Variants in MAGEA11 observed in about 807,000 individuals in gnomAD.
MAGEA11 encodes the protein MAGE family member A11.
A neutral mutation model predicts 8.4 loss-of-function variants in MAGEA11; 1 was observed. The ratio of observed to expected loss-of-function variants is 0.12; its 90% CI spans 0.04 to 0.57. MAGEA11 has a LOEUF of 0.57. Ranked by LOEUF, MAGEA11 falls within the 20% of genes least tolerant of loss-of-function variation. MAGEA11 has a pLI of 0.91. For missense variants in MAGEA11, 209 were observed against 317.3 expected (o/e 0.66, Z 2.59); for synonymous variants, 127 against 119.3 (o/e 1.06, Z -0.42).
chrX:149,694,673 C>A (rs782695827), intron 1 of MAGEA11, among the ~76,000 whole-genome samples: 114 of 111,796 alleles, frequency 1.0e-3, no homozygotes, highest in South Asian at 2.6e-3. Flanking sequence ...CTTTTTCTTT[C>A]TTTCTTTTCT....
upstream of MAGEA11, among the ~76,000 whole-genome samples, chrX:149,709,415 A>G (rs1052725185): frequency 5.3e-5 from 6 of 112,357 alleles, no homozygotes; most frequent in African/African-American, 1.9e-4. Flanking sequence ...TTCAGAGGCC[A>G]GTTTTACCAA....
upstream of MAGEA11, chrX:149,712,000 G>C (rs1360919387): frequency 1.1e-5 from 8 of 742,276 alleles, no homozygotes; most frequent in East Asian, 1.6e-4. Flanking sequence ...GGGCAGAATC[G>C]GGTTCGCTCC....
intron 1 of MAGEA11, among the ~76,000 whole-genome samples, chrX:149,691,436 G>C: frequency 9.0e-6 from 1 of 111,554 alleles, no homozygotes; most frequent in Non-Finnish European, 1.9e-5. Context: ...ACTTTGTTGA[G>C]TGCTAGATAG....
Position 149,716,076 on chromosome X carries a change from C to T in MAGEA11, c.590C>T (p.Ser197Phe). ...AIFGSLSDEG[S>F]GSQEKEGPST... ...TTTGGGAGCCTATCTGATGAGGGCT[C>T]TGGCAGCCAAGAAAAGGAGGGGCCA... The change falls in exon 5 of 5, where the codon TCT becomes TTT. Residue 197 changes from serine (S) to phenylalanine (F), a missense_variant. Physicochemically the swap from Ser to Phe is radical, Grantham distance 155. Coordinates refer to ENST00000355220, the MANE Select transcript of MAGEA11 (RefSeq NM_005366.5). 1 of 1,211,987 alleles carries T rather than the reference C, an allele frequency of 8.3e-7. No individual in the cohort carries two copies. Among genetic ancestry groups the T allele is most frequent in the Non-Finnish European group, 1.1e-6 (1 of 895,540 alleles).
upstream of MAGEA11, among the ~76,000 whole-genome samples, chrX:149,708,254 T>C (rs1557361631): frequency 8.9e-6 from 1 of 112,007 alleles, no homozygotes; most frequent in Non-Finnish European, 1.9e-5. Context: ...GTTTGAGGTC[T>C]TACATTTCAA....
At chrX:149,694,744 A>G (rs149307558) in intron 1 of MAGEA11, among the ~76,000 whole-genome samples, 1,824 of 107,913 alleles carry the variant, frequency 0.017, 32 homozygotes, top group African/African-American at 0.058. Flanking sequence ...TTATTTCGAC[A>G]AAGTGTCACC....
chrX:149,711,644 C>G (rs1157436618), upstream of MAGEA11: 5 of 119,108 alleles, frequency 4.2e-5, no homozygotes, highest in East Asian at 5.7e-4. Context: ...TGAGGACTGA[C>G]GGTCCACCCT....
At chrX:149,688,482 G>C (rs2090295720), upstream of MAGEA11, among the ~76,000 whole-genome samples, 2 of 111,553 alleles carry the variant, frequency 1.8e-5, no homozygotes, top group Non-Finnish European at 3.8e-5. Flanking sequence ...ACAGAAGACT[G>C]TCTTCCACCT....
chrX:149,692,574 C>G (rs961838963), intron 1 of MAGEA11, among the ~76,000 whole-genome samples: 9 of 111,947 alleles, frequency 8.0e-5, no homozygotes, highest in African/African-American at 2.9e-4. Flanking sequence ...CATAGGAACT[C>G]AGGGTGCTAG....
chrX:149,705,754 C>T (rs1352478708), intron 1 of MAGEA11, among the ~76,000 whole-genome samples: 3 of 111,775 alleles, frequency 2.7e-5, no homozygotes, highest in African/African-American at 9.8e-5. Flanking sequence ...GGAAGGCCCC[C>T]ATCTGCTCTG....
intron 1 of MAGEA11, among the ~76,000 whole-genome samples, chrX:149,689,795 C>T (rs190066003): frequency 8.9e-6 from 1 of 112,907 alleles, no homozygotes; most frequent in Non-Finnish European, 1.9e-5. Context: ...ATCTTTTTAT[C>T]ATCAGCATAC....
upstream of MAGEA11, chrX:149,711,978 C>G: frequency 1.4e-6 from 1 of 712,638 alleles, no homozygotes; most frequent in Non-Finnish European, 1.7e-6. Flanking sequence ...TCGCCTCGCC[C>G]CGCCCCCACA....
intron 1 of MAGEA11, among the ~76,000 whole-genome samples, chrX:149,702,795 T>C (rs2090360172): frequency 8.9e-6 from 1 of 111,978 alleles, no homozygotes; most frequent in Non-Finnish European, 1.9e-5. Context: ...ATATATGTTT[T>C]TCTAGTCTAC....
intron 1 of MAGEA11, among the ~76,000 whole-genome samples, chrX:149,696,510 C>T (rs1272960689): frequency 9.0e-6 from 1 of 111,164 alleles, no homozygotes; most frequent in Non-Finnish European, 1.9e-5. Flanking sequence ...ATGCCCTCCA[C>T]TGTGATGTAC....
rs782618743 is a variant in MAGEA11, at chrX:149,715,291, C to G, written c.193-313C>G. On this transcript the variant is annotated intron_variant, in intron 3 of 4. Transcript: ENST00000355220. ...CACAGAGTTTGGCCCACCTTTCTGA[C>G]AGTGCTGGGGTGCCAGGATGGGTGC... is the stretch of plus-strand genomic sequence containing the variant. Among the ~76,000 whole-genome samples the G allele has an allele frequency of 7.1e-5, 8 of 111,965 alleles. No homozygotes were observed. The East Asian group carries it at 2.3e-3, about 32-fold the overall frequency.
chrX:149,702,148 G>A (rs1376345622), intron 1 of MAGEA11, among the ~76,000 whole-genome samples: 7 of 111,520 alleles, frequency 6.3e-5, no homozygotes, highest in South Asian at 3.8e-4. Context: ...AAAATATTCC[G>A]CTGTTTTGGG....
Position 149,703,333 on chromosome X carries a change from C to T in MAGEA11, c.10-11148C>T, listed in dbSNP as rs782398885. ...AGGAACAATGTACTTTTTAAAATAA[C>T]CATTGAGCCATCCCAATGAAGTGCA... On this transcript the variant is annotated intron_variant, in intron 1 of 3. Transcript: ENST00000333104. Among the ~76,000 whole-genome samples, 6 of 112,459 alleles carry T rather than the reference C, an allele frequency of 5.3e-5. No homozygotes were observed. In the South Asian group the frequency reaches 1.5e-3, roughly 28 times the overall value.
At chrX:149,700,225 T>C (rs1168117469) in intron 1 of MAGEA11, among the ~76,000 whole-genome samples, 1 of 112,471 alleles carries the variant, frequency 8.9e-6, no homozygotes, top group Non-Finnish European at 1.9e-5. Context: ...CTTATTTTCG[T>C]GCTTTATAAA....
At chrX:149,711,944 C>A (rs2090402851), upstream of MAGEA11, 2 of 407,983 alleles carry the variant, frequency 4.9e-6, no homozygotes, top group Non-Finnish European at 6.1e-6. Flanking sequence ...CGCCCCGCCC[C>A]GCCTCGCCTC....
Sources: allele counts gnomAD v4.1 joint callset (sites outside exome capture counted in the v4.1 genomes callset), GRCh38; gene constraint gnomAD v4.1.1; transcripts MANE v1.5; gene names NCBI Gene and HGNC (gene_info 2026-07-23, HGNC 2026-07-21).